Variants in GABRG3 observed in about 807,000 individuals in gnomAD.
GABRG3 encodes the protein gamma-aminobutyric acid type A receptor subunit gamma3.
Under a neutral mutation model 48.8 loss-of-function variants are expected in GABRG3, and 25 were observed. The ratio of observed to expected loss-of-function variants is 0.51; its 90% CI spans 0.37 to 0.72. The LOEUF (loss-of-function observed/expected upper bound fraction) is 0.72, where lower values mean the gene tolerates loss of function less well. GABRG3 is among the 30% of genes least tolerant of loss of function. The pLI is 0.00. For synonymous variants in GABRG3, 227 were observed against 217.6 expected, an observed-to-expected ratio of 1.04 and a Z score of -0.38; for missense variants, 394 against 577.9, an observed-to-expected ratio of 0.68 and a Z score of 3.26.
intron 5 of GABRG3, among the ~76,000 whole-genome samples, chr15:27,397,693 T>C (rs987297011): frequency 6.6e-6 from 1 of 152,194 alleles, no homozygotes; most frequent in Non-Finnish European, 1.5e-5. Flanking sequence ...GTAATTGGCA[T>C]GTAGCTAATA....
At chr15:27,357,481 A>T (rs1267106700) in intron 5 of GABRG3, among the ~76,000 whole-genome samples, 2 of 152,230 alleles carry the variant, frequency 1.3e-5, no homozygotes, top group African/African-American at 4.8e-5. Context: ...TATATTAAAA[A>T]TTTCAACTTA....
chr15:27,054,643 G>A (rs1241263797), intron 3 of GABRG3, among the ~76,000 whole-genome samples: 1 of 152,118 alleles, frequency 6.6e-6, no homozygotes, highest in African/African-American at 2.4e-5. Flanking sequence ...CCAGGACAAC[G>A]CAGAGCTGCA....
chr15:27,230,356 A>T (rs1256562341), intron 3 of GABRG3, among the ~76,000 whole-genome samples: 5 of 152,158 alleles, frequency 3.3e-5, no homozygotes, highest in Non-Finnish European at 5.9e-5. Flanking sequence ...ACATATTTTG[A>T]CTATTTTCTA....
intron 3 of GABRG3, among the ~76,000 whole-genome samples, chr15:27,308,588 T>G (rs189654391): frequency 4.2e-4 from 61 of 146,096 alleles, no homozygotes; most frequent in South Asian, 1.3e-3. Context: ...AAACATACAT[T>G]TATATATAAA....
intron 6 of GABRG3, among the ~76,000 whole-genome samples, chr15:27,483,592 G>A (rs565428610): frequency 3.9e-5 from 6 of 152,320 alleles, no homozygotes; most frequent in Admixed American, 1.3e-4. Flanking sequence ...GAAATGAGGC[G>A]TTCCCTTGTC....
At chr15:27,172,147 A>G (rs978729138) in intron 3 of GABRG3, among the ~76,000 whole-genome samples, 5 of 152,216 alleles carry the variant, frequency 3.3e-5, no homozygotes, top group African/African-American at 9.6e-5. Flanking sequence ...AAATTTCAAC[A>G]TGAGTTTTGA....
intron 3 of GABRG3, among the ~76,000 whole-genome samples, chr15:27,087,304 C>T (rs1212925692): frequency 6.6e-6 from 1 of 152,186 alleles, no homozygotes; most frequent in Non-Finnish European, 1.5e-5. Flanking sequence ...TGAGTGGAAT[C>T]CCGGCCTGCA....
At chr15:27,338,766 G>A (rs75702730) in intron 5 of GABRG3, among the ~76,000 whole-genome samples, 8,040 of 152,288 alleles carry the variant, frequency 0.053, 426 homozygotes, top group African/African-American at 0.13. Context: ...CAGAGGTACA[G>A]ACAAACCAGC....
At chr15:27,273,724 G>A (rs1039121639) in intron 3 of GABRG3, among the ~76,000 whole-genome samples, 2 of 152,192 alleles carry the variant, frequency 1.3e-5, no homozygotes, top group Non-Finnish European at 1.5e-5. Context: ...CTGGTTCATA[G>A]TATCAGTATA....
At chr15:27,017,514 C>T (rs1410260085) in intron 2 of GABRG3, among the ~76,000 whole-genome samples, 1 of 152,184 alleles carries the variant, frequency 6.6e-6, no homozygotes, top group African/African-American at 2.4e-5. Flanking sequence ...CACTCTGTTC[C>T]TCTAAGCACT....
In GABRG3 at chr15:27,540,322, T is replaced by C. The variant is rs1891636841; in HGVS notation, c.*7441T>C. The C allele has an allele frequency of 6.6e-6, 1 of 152,212 alleles. No individual in the cohort carries two copies. Among genetic ancestry groups the C allele is most frequent in the Non-Finnish European group, 1.5e-5 (1 of 68,038 alleles). 9.4% of individuals were successfully genotyped at this position (152,212 alleles called of 1,614,324 possible). A position where few individuals can be genotyped will look rare whatever the true frequency, so the allele number is the denominator to read the frequency against. On this transcript the variant is annotated 3_prime_UTR_variant, in exon 10 of 10. Transcript: ENST00000615808. ...GCTATTTTATTCCTTTTCGTAAAGATAACGTTTGAATTGTCTAACAACTAT... is the reference window on the plus strand; with the variant it reads ...GCTATTTTATTCCTTTTCGTAAAGACAACGTTTGAATTGTCTAACAACTAT...
rs1307717475 is a variant in GABRG3 at position 27,342,749 on chromosome 15, C to T, written c.574+13861C>T. 2.0e-5 allele frequency among the ~76,000 whole-genome samples: 3 copies of T among 152,302 alleles called. No individual in the cohort carries two copies. The East Asian group carries it at 5.8e-4, about 30-fold the overall frequency. The stretch of plus-strand genomic sequence containing the variant: ...TCCCCTGTGCTTTGTCTTTGATCCA[C>T]AGTGTGAACCAAGGCGGGGAGGCTG... On this transcript the variant is annotated intron_variant, in intron 5 of 9. Coordinates refer to ENST00000615808, the MANE Select transcript of GABRG3 (RefSeq NM_033223.5).
At chr15:27,045,296 T>C (rs946282366) in intron 3 of GABRG3, among the ~76,000 whole-genome samples, 1 of 152,028 alleles carries the variant, frequency 6.6e-6, no homozygotes, top group Admixed American at 6.5e-5. Context: ...GAGTGGCAGG[T>C]GCAAAGGCCT....
intron 5 of GABRG3, among the ~76,000 whole-genome samples, chr15:27,459,146 G>A (rs1193690549): frequency 2.0e-5 from 3 of 152,166 alleles, no homozygotes; most frequent in Admixed American, 1.3e-4. Flanking sequence ...ACAAGGTTTC[G>A]ATGTGATGTG....
Position 27,236,719 on chromosome 15 carries a change from G to T in GABRG3, c.271-90090G>T, listed in dbSNP as rs1332051759. Reference sequence around the variant, plus strand: ...GCACAGTGAGGGTTTCTTGTCCTCTGCTTCACCGTTTGACATCAGAGGGCC... The same window carrying T: ...GCACAGTGAGGGTTTCTTGTCCTCTTCTTCACCGTTTGACATCAGAGGGCC... On this transcript the variant is annotated intron_variant, in intron 3 of 9. Coordinates refer to ENST00000615808, the MANE Select transcript of GABRG3 (RefSeq NM_033223.5). The surrounding 1 kb of genome is among the most constrained non-coding windows in gnomAD (Gnocchi z 4.4). Among the ~76,000 whole-genome samples the T allele has an allele frequency of 6.6e-6, 1 of 152,176 alleles. No individual in the cohort carries two copies. The highest frequency in any genetic ancestry group is 1.5e-5 in the Non-Finnish European group (1 of 68,046).
chr15:27,388,903 T>A (rs899216971), intron 5 of GABRG3, among the ~76,000 whole-genome samples: 2 of 151,908 alleles, frequency 1.3e-5, no homozygotes, highest in Admixed American at 6.5e-5. Flanking sequence ...GAGACCTGAA[T>A]TTTTCCTCGC....
chr15:27,301,686 C>G (rs1386628852), intron 3 of GABRG3, among the ~76,000 whole-genome samples: 1 of 151,272 alleles, frequency 6.6e-6, no homozygotes. Context: ...CAGTTAAAAA[C>G]AAAACAAAAA....
At chr15:27,367,608 T>A (rs1435140329) in intron 5 of GABRG3, among the ~76,000 whole-genome samples, 1 of 152,196 alleles carries the variant, frequency 6.6e-6, no homozygotes, top group Non-Finnish European at 1.5e-5. Flanking sequence ...GGGGCTGTGC[T>A]TTCAAACAAC....
At chr15:27,520,664 T>G (rs894882413) in intron 7 of GABRG3, among the ~76,000 whole-genome samples, 2 of 133,612 alleles carry the variant, frequency 1.5e-5, no homozygotes, top group African/African-American at 7.7e-5. Context: ...AACACTAACT[T>G]TCAGTAGTTT....
Sources: gnomAD v4.1 joint callset for allele counts (sites outside exome capture counted in the v4.1 genomes callset) on GRCh38, gnomAD v4.1.1 for gene constraint, Gnocchi (gnomAD v3.1) non-coding constraint, MANE v1.5 for transcripts, NCBI Gene and HGNC (gene_info 2026-07-23, HGNC 2026-07-21) for gene names.